Variants in FRMD1 observed in about 807,000 individuals in gnomAD.
FRMD1 encodes FERM domain-containing protein 1.
Under a neutral mutation model 54.9 loss-of-function variants are expected in FRMD1, and 51 were observed. The ratio of observed to expected loss-of-function variants is 0.93; its 90% CI spans 0.74 to 1.17. The LOEUF (loss-of-function observed/expected upper bound fraction) is 1.17, where lower values mean the gene tolerates loss of function less well. FRMD1 is among the 50% of genes most tolerant of loss of function. The pLI is 0.00. For missense variants in FRMD1, 729 were observed against 743.0 expected (o/e 0.98, Z 0.22); for synonymous variants, 324 against 306.4 (o/e 1.06, Z -0.60).
At chr6:168,066,724 G>C (rs778075740) in intron 4 of FRMD1, 31 bp downstream of exon 4, 1 of 1,585,936 alleles carries the variant, frequency 6.3e-7, no homozygotes, top group South Asian at 1.1e-5. Flanking sequence ...AGTATTCCAG[G>C]AAACACCCCT....
upstream of FRMD1, among the ~76,000 whole-genome samples, chr6:168,084,552 G>T (rs924585856): frequency 6.6e-6 from 1 of 152,172 alleles, no homozygotes; most frequent in Non-Finnish European, 1.5e-5. Context: ...GCAGTCTCGT[G>T]GGGGAGGTGC....
Position 168,078,909 on chromosome 6 carries a change from G to T in FRMD1, c.186C>A (p.Ser62Arg). Residue 62 changes from serine (S) to arginine (R), a missense_variant, in exon 1 of 11, where the codon AGC becomes AGA. Physicochemically the swap from Ser to Arg is moderately radical, Grantham distance 110. Transcript: ENST00000283309. ...EHRDVLVLLP[S>R]REQLRLAVGV... ...CCACGGCCAGCCGCAGTTGCTCCCG[G>T]CTGGGCAGCAGCACGAGGACATCCC... is the stretch of plus-strand genomic sequence containing the variant. The T allele has an allele frequency of 6.3e-7, 1 of 1,599,112 alleles. No individual in the cohort carries two copies. Among genetic ancestry groups the T allele is most frequent in the Non-Finnish European group, 8.5e-7 (1 of 1,175,792 alleles).
At chr6:168,079,890 C>T (rs1232642898), upstream of FRMD1, among the ~76,000 whole-genome samples, 6 of 152,198 alleles carry the variant, frequency 3.9e-5, no homozygotes, top group East Asian at 3.9e-4. Context: ...GCAACGCCTT[C>T]GAGCTCTTTG....
intron 2 of FRMD1, among the ~76,000 whole-genome samples, chr6:168,070,287 G>A (rs1461814835): frequency 1.0e-5 from 1 of 96,094 alleles, no homozygotes; most frequent in Non-Finnish European, 2.1e-5. Context: ...AAGGAAGGAA[G>A]GAAAGAAAGA....
rs113303915 is a variant in FRMD1, at chr6:168,059,108, G to GT, written c.1407+15dup. The GT allele has an allele frequency of 1.3e-6, 2 of 1,557,280 alleles. No homozygotes were observed. The highest frequency in any genetic ancestry group is 1.7e-6 in the Non-Finnish European group (2 of 1,154,358). On this transcript the variant is annotated intron_variant, in intron 10 of 10. Transcript: ENST00000283309. This position sits in a 1 kb window ranked among gnomAD's most constrained non-coding sequence, Gnocchi z 4.4. ...GGAGCAGGGCCAGGGCTTCTGGCCC[G>GT]TGGGGGGGACTCTACCTGGTGCACG... is the stretch of plus-strand genomic sequence containing the variant.
chr6:168,063,566 G>T, intron 6 of FRMD1, 35 bp downstream of exon 6: 1 of 1,575,862 alleles, frequency 6.3e-7, no homozygotes. Flanking sequence ...CCTGGAGTCA[G>T]AGTCCAGCCC....
chr6:168,086,732 TC>T (rs1562435524), intron 1 of FRMD1, among the ~76,000 whole-genome samples: 1 of 152,214 alleles, frequency 6.6e-6, no homozygotes, highest in Non-Finnish European at 1.5e-5. Flanking sequence ...CCCCTCGGCA[TC>T]CCCATACTGC....
intron 3 of FRMD1, 61 bp from the exon 4 acceptor site, chr6:168,066,892 G>T: frequency 6.3e-7 from 1 of 1,592,084 alleles, no homozygotes. Context: ...TGGCTGTCCT[G>T]TCTTCCCAGT....
At chr6:168,090,355 C>G (rs1262923406) in intron 1 of FRMD1, among the ~76,000 whole-genome samples, 1 of 152,212 alleles carries the variant, frequency 6.6e-6, no homozygotes, top group Non-Finnish European at 1.5e-5. Context: ...ATCTCAAGTC[C>G]CTTGTGGGCT....
rs1799750956 is a variant in FRMD1 at position 168,061,825 on chromosome 6, G to A, written c.1027C>T (p.Gln343Ter). 6.4e-7 allele frequency: 1 copy of A among 1,561,014 alleles called. No individual in the cohort carries two copies. Among genetic ancestry groups the A allele is most frequent in the Non-Finnish European group, 8.7e-7 (1 of 1,154,078 alleles). The change falls in exon 8 of 11, where the codon CAG (glutamine) becomes TAG (stop). Residue 343 changes from glutamine (Q) to a stop codon, truncating the protein, a stop_gained. Transcript: ENST00000283309. LOFTEE classifies it high-confidence loss of function. ...GCCCCACCTTCTGCCTCCTCCCGCT[G>A]CCGCAGCTGTTGCAGAGTGGGCCGC... ...RVRPTLQQLRQREEAEEKQHY... is the reference protein window; with the variant it reads ...RVRPTLQQLR
chr6:168,079,311 A>C (rs1274745637), upstream of FRMD1: 7 of 870,224 alleles, frequency 8.0e-6, no homozygotes, highest in Admixed American at 9.5e-5. Context: ...GAATGCAAAT[A>C]AACAACCTCA....
intron 1 of FRMD1, 23 bp from the exon 2 acceptor site, chr6:168,075,358 T>C (rs1341909860): frequency 6.2e-7 from 1 of 1,601,554 alleles, no homozygotes; most frequent in Admixed American, 1.7e-5. Flanking sequence ...TGGGGAGGGG[T>C]TCAGGGAGGG....
At chr6:168,081,694 A>C, upstream of FRMD1, 1 of 502,852 alleles carries the variant, frequency 2.0e-6, no homozygotes, top group South Asian at 5.5e-5. Flanking sequence ...AGGACTAAAC[A>C]TCCCACTGCA....
chr6:168,063,904 AC>A, intron 5 of FRMD1, 148 bp from the exon 6 acceptor site: 1 of 892,438 alleles, frequency 1.1e-6, no homozygotes, highest in African/African-American at 1.7e-5. Context: ...TGAGCCCAGA[AC>A]CAGAGATGAA....
chr6:168,067,940 T>A (rs1162616780), intron 2 of FRMD1, among the ~76,000 whole-genome samples: 1 of 106,038 alleles, frequency 9.4e-6, no homozygotes, highest in Non-Finnish European at 1.9e-5. Flanking sequence ...TGAGACCTTG[T>A]CACCACAGGA....
chr6:168,081,443 C>A (rs778626843), upstream of FRMD1: 5 of 1,535,468 alleles, frequency 3.3e-6, no homozygotes, highest in African/African-American at 4.1e-5. Context: ...GCAGAGGCCG[C>A]GAGGAAGAGG....
intron 5 of FRMD1, 99 bp downstream of exon 5, chr6:168,064,772 C>T (rs1799939342): frequency 1.4e-6 from 2 of 1,471,204 alleles, no homozygotes; most frequent in African/African-American, 1.4e-5. Context: ...CCAGCAGCCC[C>T]TGCCAGGCCC....
chr6:168,092,607 A>G (rs569431059), intron 1 of FRMD1, among the ~76,000 whole-genome samples: 2 of 151,520 alleles, frequency 1.3e-5, no homozygotes, highest in East Asian at 1.9e-4. Flanking sequence ...ATGTGAGGAC[A>G]CTGCAAGAAG....
chr6:168,089,709 G>T (rs1336487799), intron 1 of FRMD1, among the ~76,000 whole-genome samples: 2 of 152,238 alleles, frequency 1.3e-5, no homozygotes, highest in Non-Finnish European at 2.9e-5. Context: ...CCGCCCAGCG[G>T]GGAGCGGAAA....
Sources: gnomAD v4.1 joint callset for allele counts (sites outside exome capture counted in the v4.1 genomes callset) on GRCh38, gnomAD v4.1.1 for gene constraint, Gnocchi (gnomAD v3.1) non-coding constraint, MANE v1.5 for transcripts, NCBI Gene and HGNC (gene_info 2026-07-23, HGNC 2026-07-21) for gene names.